UHRF2: variants seen among roughly 807,000 people sequenced by gnomAD.
UHRF2 encodes ubiquitin like with PHD and ring finger domains 2.
A neutral mutation model predicts 96.8 loss-of-function variants in UHRF2; 23 were observed. The observed-to-expected ratio is 0.24, with a 90% CI of 0.17 to 0.34. The LOEUF (loss-of-function observed/expected upper bound fraction) is 0.34, where lower values mean the gene tolerates loss of function less well. Among genes scored for constraint, UHRF2 ranks in the 10% least tolerant of loss-of-function variants. The probability of loss-of-function intolerance (pLI) is 1.00; values close to 1 mark genes in which losing one functional copy is unlikely to be tolerated. For missense variants in UHRF2, 685 were observed against 981.5 expected (o/e 0.70, Z 4.04); for synonymous variants, 385 against 332.6 (o/e 1.16, Z -1.72).
chr9:6,477,938 C>G, intron 6 of UHRF2, 130 bp downstream of exon 6: 1 of 746,468 alleles, frequency 1.3e-6, no homozygotes, highest in Non-Finnish European at 2.1e-6. Context: ...CCAGTGGTTA[C>G]TTAGCATTCA....
At chr9:6,433,313 A>T (rs1289522019) in intron 2 of UHRF2, among the ~76,000 whole-genome samples, 1 of 152,018 alleles carries the variant, frequency 6.6e-6, no homozygotes, top group African/African-American at 2.4e-5. Context: ...CGCCCTGTTC[A>T]TTTTTATATT....
intron 9 of UHRF2, 101 bp from the exon 10 acceptor site, chr9:6,493,725 C>A: frequency 1.0e-6 from 1 of 1,002,082 alleles, no homozygotes; most frequent in Non-Finnish European, 1.4e-6. Flanking sequence ...GAGAAAATGT[C>A]AACTCATAAC....
chr9:6,460,323 G>T (rs189847640), intron 3 of UHRF2, among the ~76,000 whole-genome samples: 38 of 152,272 alleles, frequency 2.5e-4, no homozygotes, highest in African/African-American at 8.7e-4. Context: ...AAGCCATGAA[G>T]AGATCCACAT....
chr9:6,452,721 CAG>C (rs1046968408), intron 3 of UHRF2, among the ~76,000 whole-genome samples: 9 of 152,296 alleles, frequency 5.9e-5, no homozygotes, highest in Admixed American at 5.9e-4. Flanking sequence ...GGGTTTTTCT[CAG>C]AGAATACTGA....
intron 3 of UHRF2, among the ~76,000 whole-genome samples, chr9:6,436,927 A>G (rs1176348596): frequency 6.6e-6 from 1 of 152,212 alleles, no homozygotes; most frequent in Non-Finnish European, 1.5e-5. Context: ...TCTTTGAAAA[A>G]TGAAAGATAA....
At chr9:6,433,625 A>G (rs1412302014) in intron 2 of UHRF2, among the ~76,000 whole-genome samples, 1 of 152,242 alleles carries the variant, frequency 6.6e-6, no homozygotes, top group Non-Finnish European at 1.5e-5. Flanking sequence ...TCTTAGGTAC[A>G]AAAGAATAAT....
chr9:6,445,577 A>G (rs1821438527), intron 3 of UHRF2, among the ~76,000 whole-genome samples: 1 of 151,966 alleles, frequency 6.6e-6, no homozygotes, highest in Non-Finnish European at 1.5e-5. Flanking sequence ...TTTATTTTTG[A>G]GACAGGGTCT....
intron 9 of UHRF2, among the ~76,000 whole-genome samples, chr9:6,490,464 CTAAAAGT>C (rs909920001): frequency 1.3e-5 from 2 of 152,114 alleles, no homozygotes; most frequent in Non-Finnish European, 2.9e-5. Context: ...TCCGTCTCTA[CTAAAAGT>C]ACAAAAATTA....
intron 8 of UHRF2, 133 bp downstream of exon 8, chr9:6,482,232 G>A: frequency 1.4e-6 from 1 of 740,612 alleles, no homozygotes; most frequent in Non-Finnish European, 2.3e-6. Flanking sequence ...TTTTTAGGAT[G>A]GGTGTACTCT....
intron 14 of UHRF2, 53 bp downstream of exon 14, chr9:6,500,762 T>G: frequency 6.6e-7 from 1 of 1,513,364 alleles, no homozygotes; most frequent in East Asian, 2.4e-5. Flanking sequence ...AAATGATAAA[T>G]AATTGTCTCA....
At chr9:6,449,379 T>C (rs754073469) in intron 3 of UHRF2, 2 of 152,256 alleles carry the variant, frequency 1.3e-5, no homozygotes, top group Non-Finnish European at 2.9e-5. Context: ...TGAACAGCAC[T>C]CAGGCTTTTC....
intron 2 of UHRF2, among the ~76,000 whole-genome samples, chr9:6,431,299 A>G (rs114582739): frequency 0.014 from 2,115 of 152,244 alleles, 47 homozygotes; most frequent in African/African-American, 0.048. Flanking sequence ...GGTACTTACT[A>G]TATTTAGTAG....
At chr9:6,456,985 A>G (rs895192940) in intron 3 of UHRF2, among the ~76,000 whole-genome samples, 1 of 152,196 alleles carries the variant, frequency 6.6e-6, no homozygotes, top group Non-Finnish European at 1.5e-5. Context: ...AGTCTTGGCT[A>G]TACGGGCTCT....
chr9:6,497,662 T>G (rs912947042), intron 11 of UHRF2, among the ~76,000 whole-genome samples: 2 of 152,168 alleles, frequency 1.3e-5, no homozygotes, highest in Non-Finnish European at 2.9e-5. Context: ...TTTTTATATA[T>G]CTTTTTGAAT....
At chr9:6,468,745 C>T (rs1176617824) in intron 4 of UHRF2, 1 of 453,226 alleles carries the variant, frequency 2.2e-6, no homozygotes, top group Non-Finnish European at 4.5e-6. Flanking sequence ...AAGGCATACA[C>T]TGGATTTTAG....
chr9:6,504,087 G>A (rs1413143871), intron 14 of UHRF2, among the ~76,000 whole-genome samples: 4 of 141,046 alleles, frequency 2.8e-5, no homozygotes, highest in South Asian at 2.2e-4. Context: ...GTGCAGTGGC[G>A]TGATCTCAGC....
chr9:6,496,277 C>G (rs1242430976), intron 10 of UHRF2: 2 of 152,004 alleles, frequency 1.3e-5, no homozygotes, highest in African/African-American at 2.4e-5. Flanking sequence ...CTTAAGTGTT[C>G]TCAGTGTTTT....
At chr9:6,445,981 C>CTTTTTTTTTTTTTTTTT (rs57147850) in intron 3 of UHRF2, among the ~76,000 whole-genome samples, 7 of 78,900 alleles carry the variant, frequency 8.9e-5, no homozygotes, top group African/African-American at 3.7e-4. Flanking sequence ...CCCCGCCACC[C>CTTTTTTTTTTTTTTTTT]TTTTTTTTTT....
chr9:6,481,833 G>A (rs1823946140), intron 7 of UHRF2, 67 bp downstream of exon 7: 1 of 1,547,950 alleles, frequency 6.5e-7, no homozygotes, highest in South Asian at 1.2e-5. Context: ...AATACCAATA[G>A]TAGTAATGGT....
Sources: gnomAD v4.1 joint callset for allele counts (sites outside exome capture counted in the v4.1 genomes callset) on GRCh38, gnomAD v4.1.1 for gene constraint, MANE v1.5 for transcripts, NCBI Gene and HGNC (gene_info 2026-07-23, HGNC 2026-07-21) for gene names.